The following SGCZ variants were observed in gnomAD, a reference collection of about 807,000 sequenced individuals.
The protein encoded by SGCZ is zeta-sarcoglycan.
In SGCZ, 40 loss-of-function variants were observed where a neutral mutation model predicts 41.3. The ratio of observed to expected loss-of-function variants is 0.97; its 90% CI spans 0.75 to 1.26. SGCZ has a LOEUF of 1.26. Among genes scored for constraint, SGCZ ranks in the 50% most tolerant of loss-of-function variants. The pLI, the probability that SGCZ is intolerant of heterozygous loss-of-function variation, is 0.00. For missense variants in SGCZ, 552 were observed against 369.8 expected (o/e 1.49, Z -4.04); for synonymous variants, 206 against 137.5 (o/e 1.50, Z -3.49).
At chr8:14,912,034 C>T (rs1052247774) in intron 1 of SGCZ, among the ~76,000 whole-genome samples, 9 of 151,990 alleles carry the variant, frequency 5.9e-5, no homozygotes, top group Admixed American at 1.3e-4. Context: ...AGTAGCTGCA[C>T]TGACGCTATG....
At chr8:14,724,449 G>A (rs1724097169) in intron 1 of SGCZ, among the ~76,000 whole-genome samples, 1 of 151,470 alleles carries the variant, frequency 6.6e-6, no homozygotes, top group South Asian at 2.1e-4. Context: ...TTAAACTATT[G>A]TATTATTATA....
intron 1 of SGCZ, among the ~76,000 whole-genome samples, chr8:15,205,740 G>A (rs933846952): frequency 4.6e-5 from 7 of 152,122 alleles, no homozygotes; most frequent in South Asian, 2.1e-4. Flanking sequence ...ACTACCATTC[G>A]CCTCAGCAAT....
rs761202476 is a variant in SGCZ at position 14,430,268 on chromosome 8, C to A, written c.235-106064G>T. 1.1e-3 allele frequency among the ~76,000 whole-genome samples: 173 copies of A among 152,236 alleles called. 3 individuals carry two copies. The highest frequency in any genetic ancestry group is 2.1e-3 in the Non-Finnish European group (140 of 68,018). ...AAAAGAAACCTACAGACCACTATCC[C>A]TAATGAACATAGGTGCTAAAATCCT... On this transcript the variant is annotated intron_variant, in intron 2 of 7. Transcript: ENST00000382080.
At chr8:14,919,814 A>C (rs1372234449) in intron 1 of SGCZ, among the ~76,000 whole-genome samples, 1 of 151,974 alleles carries the variant, frequency 6.6e-6, no homozygotes, top group Non-Finnish European at 1.5e-5. Flanking sequence ...GCTACTCGGG[A>C]AACTGGGGCA....
At position 14,367,590 on chromosome 8, in the gene SGCZ, G is replaced by T. The variant is rs547173253; in HGVS notation, c.235-43386C>A. ...CCTCAGGAAACTTATAATCATGGCA[G>T]AAGGCGAAAGAGGAGGAAAGGTACA... is the stretch of plus-strand genomic sequence containing the variant. On this transcript the variant is annotated intron_variant, in intron 2 of 7. Coordinates refer to ENST00000382080, the MANE Select transcript of SGCZ (RefSeq NM_139167.4). Among the ~76,000 whole-genome samples the T allele has an allele frequency of 3.3e-5, 5 of 152,226 alleles. No homozygotes were observed. In the South Asian group the frequency reaches 1.0e-3, roughly 32 times the overall value.
At chr8:14,168,691 G>A (rs550217202) in intron 4 of SGCZ, among the ~76,000 whole-genome samples, 12 of 152,152 alleles carry the variant, frequency 7.9e-5, no homozygotes, top group African/African-American at 2.9e-4. Context: ...TTTACTAGCA[G>A]TGTGAAAACG....
At position 14,547,443 on chromosome 8, in the gene SGCZ, C is replaced by G. The variant is rs145703628; in HGVS notation, c.234+7289G>C. Among the ~76,000 whole-genome samples the G allele has an allele frequency of 7.7e-3, 1,168 of 152,174 alleles. 12 individuals carry two copies. Among genetic ancestry groups the G allele is most frequent in the African/African-American group, 0.027 (1,113 of 41,532 alleles). ...TGTAAACGCTTTTTATATCTCAGCA[C>G]TAAATTAGAATTTCATAAAGAATCT... On this transcript the variant is annotated intron_variant, in intron 2 of 7. Transcript: ENST00000382080.
At chr8:14,407,483 T>C (rs925538668) in intron 2 of SGCZ, among the ~76,000 whole-genome samples, 1 of 152,126 alleles carries the variant, frequency 6.6e-6, no homozygotes, top group African/African-American at 2.4e-5. Flanking sequence ...TCCCTATAAG[T>C]AGTTTCATAA....
chr8:15,072,461 T>C (rs1038944374), intron 1 of SGCZ, among the ~76,000 whole-genome samples: 6 of 152,302 alleles, frequency 3.9e-5, no homozygotes, highest in Middle Eastern at 3.4e-3. Flanking sequence ...AAGCATTTTT[T>C]CTACAAACAC....
intron 3 of SGCZ, among the ~76,000 whole-genome samples, chr8:14,251,793 G>T (rs940553011): frequency 5.9e-5 from 9 of 151,878 alleles, no homozygotes; most frequent in Non-Finnish European, 1.2e-4. Context: ...ATGTGGCCTG[G>T]GATACTTTGC....
chr8:14,119,301 G>C (rs1378316743), intron 5 of SGCZ, among the ~76,000 whole-genome samples: 5 of 151,932 alleles, frequency 3.3e-5, no homozygotes, highest in African/African-American at 4.8e-5. Context: ...TGTATTCCTA[G>C]GTATTTTATT....
intron 1 of SGCZ, among the ~76,000 whole-genome samples, chr8:14,621,319 G>C (rs954721899): frequency 9.3e-5 from 14 of 150,520 alleles, no homozygotes; most frequent in Admixed American, 3.3e-4. Flanking sequence ...GATAGCATTA[G>C]GAGATATACC....
chr8:14,384,113 A>G (rs1804477162), intron 2 of SGCZ, among the ~76,000 whole-genome samples: 1 of 150,474 alleles, frequency 6.6e-6, no homozygotes, highest in South Asian at 2.1e-4. Flanking sequence ...TATCCCTCCC[A>G]CCTCCCGCTA....
chr8:14,484,817 G>A (rs1563359645), intron 2 of SGCZ, among the ~76,000 whole-genome samples: 2 of 152,086 alleles, frequency 1.3e-5, no homozygotes, highest in Non-Finnish European at 2.9e-5. Flanking sequence ...GAACCATAGA[G>A]ATCATTTAGC....
chr8:15,187,293 A>T (rs1399331117), intron 1 of SGCZ, among the ~76,000 whole-genome samples: 3 of 152,136 alleles, frequency 2.0e-5, no homozygotes, highest in Non-Finnish European at 4.4e-5. Context: ...TGGTTATATA[A>T]TTCAAACGAA....
At chr8:15,156,955 AAAAAG>A (rs1799349542) in intron 1 of SGCZ, among the ~76,000 whole-genome samples, 1 of 151,718 alleles carries the variant, frequency 6.6e-6, no homozygotes, top group Admixed American at 6.6e-5. Flanking sequence ...AAAAAAAAAA[AAAAAG>A]AAAAGAAAAA....
chr8:15,056,014 T>C (rs1292763160), intron 1 of SGCZ, among the ~76,000 whole-genome samples: 1 of 152,232 alleles, frequency 6.6e-6, no homozygotes, highest in African/African-American at 2.4e-5. Context: ...TGTGATAAGA[T>C]ATCCTCCTGC....
chr8:14,996,152 C>G (rs1365418163), intron 1 of SGCZ, among the ~76,000 whole-genome samples: 3 of 152,132 alleles, frequency 2.0e-5, no homozygotes, highest in Admixed American at 6.5e-5. Context: ...ATCTGCCCAC[C>G]TCAACCTCCC....
intron 1 of SGCZ, among the ~76,000 whole-genome samples, chr8:15,208,262 T>C (rs554928357): frequency 2.6e-5 from 4 of 152,328 alleles, no homozygotes; most frequent in Non-Finnish European, 4.4e-5. Context: ...AGTGATGCCA[T>C]TGATTATTCC....
Sources: allele counts gnomAD v4.1 joint callset (sites outside exome capture counted in the v4.1 genomes callset), GRCh38; gene constraint gnomAD v4.1.1; transcripts MANE v1.5; gene names NCBI Gene and HGNC (gene_info 2026-07-23, HGNC 2026-07-21).